The following TMEM244 variants were observed in gnomAD, a reference collection of about 807,000 sequenced individuals.
TMEM244 encodes the protein transmembrane protein 244.
Under a neutral mutation model 15.8 loss-of-function variants are expected in TMEM244, and 13 were observed. The ratio of observed to expected loss-of-function variants is 0.82; its 90% CI spans 0.53 to 1.30. The LOEUF (loss-of-function observed/expected upper bound fraction) is 1.30, where lower values mean the gene tolerates loss of function less well. TMEM244 is among the 50% of genes most tolerant of loss of function. The probability of loss-of-function intolerance (pLI) is 0.00; values close to 1 mark genes in which losing one functional copy is unlikely to be tolerated. For synonymous variants in TMEM244, 45 were observed against 48.7 expected (o/e 0.92, Z 0.32); for missense variants, 161 against 144.9 (o/e 1.11, Z -0.57).
At chr6:129,857,355 T>C (rs1218932558) in intron 1 of TMEM244, among the ~76,000 whole-genome samples, 2 of 151,536 alleles carry the variant, frequency 1.3e-5, no homozygotes, top group Non-Finnish European at 1.5e-5. Flanking sequence ...TATATATACA[T>C]ATATAAATTA....
intron 3 of TMEM244, among the ~76,000 whole-genome samples, chr6:129,840,962 T>C (rs1019579563): frequency 6.6e-6 from 1 of 152,302 alleles, no homozygotes; most frequent in Non-Finnish European, 1.5e-5. Context: ...AGGAACACTT[T>C]TACACTGTTG....
At chr6:129,837,268 T>A (rs59117879) in intron 3 of TMEM244, among the ~76,000 whole-genome samples, 22,523 of 152,166 alleles carry the variant, frequency 0.15, 1,818 homozygotes, top group South Asian at 0.24. Context: ...GGGGCCAATA[T>A]TCAACATTCT....
chr6:129,834,544 G>A (rs192594191), intron 3 of TMEM244, among the ~76,000 whole-genome samples: 11 of 152,300 alleles, frequency 7.2e-5, no homozygotes, highest in African/African-American at 2.2e-4. Flanking sequence ...CTGTGCAGAA[G>A]TAATTTATTA....
At chr6:129,846,892 G>A (rs1584188010) in intron 1 of TMEM244, among the ~76,000 whole-genome samples, 1 of 152,218 alleles carries the variant, frequency 6.6e-6, no homozygotes, top group African/African-American at 2.4e-5. Flanking sequence ...AGATTAATGA[G>A]AATCAGAAAG....
intron 1 of TMEM244, among the ~76,000 whole-genome samples, chr6:129,860,188 GC>G (rs1286353757): frequency 6.6e-6 from 1 of 150,858 alleles, no homozygotes; most frequent in Non-Finnish European, 1.5e-5. Flanking sequence ...TAAATATAGA[GC>G]CCCCATTCTT....
At chr6:129,842,606 G>C (rs867743791) in intron 3 of TMEM244, among the ~76,000 whole-genome samples, 2 of 151,824 alleles carry the variant, frequency 1.3e-5, no homozygotes, top group Middle Eastern at 6.8e-3. Context: ...GAATTGTATT[G>C]TTTAAGGAAT....
At chr6:129,831,523 A>T in intron 4 of TMEM244, 137 bp from the exon 5 acceptor site, 1 of 644,930 alleles carries the variant, frequency 1.6e-6, no homozygotes, top group South Asian at 1.9e-5. Flanking sequence ...AGGTAGCCCC[A>T]AGTTGTACTT....
At chr6:129,851,363 G>A (rs1420015491) in intron 1 of TMEM244, among the ~76,000 whole-genome samples, 1 of 152,138 alleles carries the variant, frequency 6.6e-6, no homozygotes, top group Non-Finnish European at 1.5e-5. Context: ...CCACCTCCCA[G>A]GCTCAAGCAA....
chr6:129,831,528 G>T, intron 4 of TMEM244, 142 bp from the exon 5 acceptor site: 1 of 634,468 alleles, frequency 1.6e-6, no homozygotes, highest in Non-Finnish European at 2.8e-6. Context: ...GCCCCAAGTT[G>T]TACTTCAGTC....
chr6:129,856,184 A>G (rs1477375621), intron 1 of TMEM244, among the ~76,000 whole-genome samples: 2 of 152,100 alleles, frequency 1.3e-5, no homozygotes, highest in Non-Finnish European at 2.9e-5. Context: ...AAGTTTGACC[A>G]ATTTGAGCAC....
intron 3 of TMEM244, among the ~76,000 whole-genome samples, chr6:129,835,026 G>A (rs1776383537): frequency 6.6e-6 from 1 of 152,182 alleles, no homozygotes; most frequent in African/African-American, 2.4e-5. Context: ...AGGAAAGAAA[G>A]CATGACTTAA....
chr6:129,855,210 CAATA>C (rs1227451570), intron 1 of TMEM244, among the ~76,000 whole-genome samples: 1 of 152,132 alleles, frequency 6.6e-6, no homozygotes, highest in Admixed American at 6.5e-5. Flanking sequence ...ACTTCACTAA[CAATA>C]AAGAAACACA....
chr6:129,831,509 A>T, intron 4 of TMEM244, 123 bp from the exon 5 acceptor site: 1 of 690,024 alleles, frequency 1.4e-6, no homozygotes, highest in Admixed American at 2.6e-5. Flanking sequence ...ATGTTCATGA[A>T]ATCAGGTAGC....
chr6:129,856,887 A>G (rs959923505), intron 1 of TMEM244, among the ~76,000 whole-genome samples: 1 of 151,896 alleles, frequency 6.6e-6, no homozygotes, highest in African/African-American at 2.4e-5. Flanking sequence ...AAATTTCCAA[A>G]CTTATTCAAG....
intron 2 of TMEM244, among the ~76,000 whole-genome samples, chr6:129,843,882 G>T (rs1428697721): frequency 1.3e-5 from 2 of 152,120 alleles, no homozygotes; most frequent in African/African-American, 4.8e-5. Flanking sequence ...AGGTGAGACG[G>T]TATAAAGGTA....
At chr6:129,855,376 A>G (rs149475511) in intron 1 of TMEM244, among the ~76,000 whole-genome samples, 1 of 152,150 alleles carries the variant, frequency 6.6e-6, no homozygotes, top group Admixed American at 6.5e-5. Flanking sequence ...AGCTAATGTG[A>G]CATTATAACA....
chr6:129,854,968 A>G (rs1442384104), intron 1 of TMEM244, among the ~76,000 whole-genome samples: 1 of 152,202 alleles, frequency 6.6e-6, no homozygotes, highest in African/African-American at 2.4e-5. Flanking sequence ...TGGTTCACAA[A>G]GGTTATTATT....
chr6:129,851,677 C>T (rs751168871), intron 1 of TMEM244, among the ~76,000 whole-genome samples: 1 of 151,978 alleles, frequency 6.6e-6, no homozygotes, highest in East Asian at 1.9e-4. Context: ...GTGGCCAAGT[C>T]GAGAATAGGA....
At chr6:129,840,230 A>G (rs972428692) in intron 3 of TMEM244, among the ~76,000 whole-genome samples, 3 of 152,214 alleles carry the variant, frequency 2.0e-5, no homozygotes, top group Non-Finnish European at 4.4e-5. Context: ...ACCAAAACAG[A>G]TATATAGACC....
Sources: gnomAD v4.1 joint callset for allele counts (sites outside exome capture counted in the v4.1 genomes callset) on GRCh38, gnomAD v4.1.1 for gene constraint, MANE v1.5 for transcripts, NCBI Gene and HGNC (gene_info 2026-07-23, HGNC 2026-07-21) for gene names.